GLIS2: variants seen among roughly 807,000 people sequenced by gnomAD.
GLIS2 encodes the protein GLIS family zinc finger 2, also known as zinc finger protein GLIS2.
A neutral mutation model predicts 35.6 loss-of-function variants in GLIS2; 14 were observed. The observed-to-expected ratio is 0.39, with a 90% CI of 0.26 to 0.61. The LOEUF (loss-of-function observed/expected upper bound fraction) is 0.61. GLIS2 is among the 20% of genes least tolerant of loss of function. The probability of loss-of-function intolerance (pLI) is 0.48; values close to 1 mark genes in which losing one functional copy is unlikely to be tolerated. For missense variants in GLIS2, 675 were observed against 713.4 expected, an observed-to-expected ratio of 0.95 and a Z score of 0.61; for synonymous variants, 368 against 325.1, an observed-to-expected ratio of 1.13 and a Z score of -1.42.
chr16:4,324,227 G>A lies in GLIS2; in HGVS notation c.-67+7973G>A, dbSNP rs374445607. On this transcript the variant is annotated intron_variant, in intron 1 of 6. Transcript: ENST00000433375. ...GCCTACTGAGCCAAAGGTTCCCAGG[G>A]ACGGTGAATCCCCCACTCTTCCAGG... Among the ~76,000 whole-genome samples, 4 of 152,160 alleles carry A rather than the reference G, an allele frequency of 2.6e-5. No homozygotes were observed. In the East Asian group the frequency reaches 5.8e-4, roughly 22 times the overall value.
chr16:4,319,547 G>C (rs2053352863), intron 1 of GLIS2, among the ~76,000 whole-genome samples: 1 of 152,162 alleles, frequency 6.6e-6, no homozygotes, highest in Admixed American at 6.5e-5. Flanking sequence ...CTGGGTGTGG[G>C]GACCACAGCC....
At chr16:4,331,794 T>C (rs2053498687) in intron 1 of GLIS2, 1 of 200,800 alleles carries the variant, frequency 5.0e-6, no homozygotes, top group South Asian at 8.7e-5. Context: ...AGAAAATTTT[T>C]TTTTTTAATT....
In GLIS2 at chr16:4,336,980, G is replaced by A; in HGVS notation, c.1031G>A (p.Gly344Asp). The A allele has an allele frequency of 4.3e-6, 7 of 1,609,530 alleles. No individual in the cohort carries two copies. Among genetic ancestry groups the A allele is most frequent in the Non-Finnish European group, 5.9e-6 (7 of 1,179,026 alleles). Residue 344 changes from glycine to aspartate, a missense_variant, in exon 7 of 7, where the codon GGC becomes GAC. Coordinates refer to ENST00000433375, the MANE Select transcript of GLIS2 (RefSeq NM_032575.3). ...PPKPPLPAPD[G>D]GPYVSGAQII... Reference sequence around the variant, plus strand: ...AAGCCGCCACTGCCCGCCCCCGACGGCGGCCCCTATGTCAGTGGGGCCCAG... The same window carrying A: ...AAGCCGCCACTGCCCGCCCCCGACGACGGCCCCTATGTCAGTGGGGCCCAG...
intron 1 of GLIS2, among the ~76,000 whole-genome samples, chr16:4,329,646 T>C (rs922910733): frequency 1.3e-5 from 2 of 152,126 alleles, no homozygotes; most frequent in Non-Finnish European, 2.9e-5. Context: ...TCCTGCCCTG[T>C]GGACAGCATC....
intron 1 of GLIS2, among the ~76,000 whole-genome samples, chr16:4,331,264 G>C (rs8061818): frequency 0.093 from 14,112 of 152,140 alleles, 951 homozygotes; most frequent in African/African-American, 0.17. Context: ...ACAGGTGTGA[G>C]TTACTGCGCC....
At chr16:4,324,792 G>A (rs2053412935) in intron 1 of GLIS2, 2 of 152,316 alleles carry the variant, frequency 1.3e-5, no homozygotes, top group Admixed American at 6.5e-5. Context: ...CCCAACATGG[G>A]GGTCCTATAT....
rs1567217025 is a variant in GLIS2 at position 4,321,233 on chromosome 16, GGTT to G, written c.-67+4980_-67+4982del. On this transcript the variant is annotated intron_variant, in intron 1 of 6. Transcript: ENST00000433375. ...TCCCACCATCCCAGCTGGCCAGGGT[GGTT>G]CCTAGGGGCCACCACACCCTTGTCC... Among the ~76,000 whole-genome samples the G allele has an allele frequency of 1.4e-3, 209 of 152,214 alleles. 1 individual carries two copies. Among genetic ancestry groups the G allele is most frequent in the African/African-American group, 4.6e-3 (191 of 41,544 alleles).
chr16:4,328,647 A>G (rs771634326), intron 1 of GLIS2, among the ~76,000 whole-genome samples: 108 of 152,198 alleles, frequency 7.1e-4, no homozygotes, highest in Non-Finnish European at 1.3e-3. Flanking sequence ...CCTCCCTGGC[A>G]GGACCCAGTG....
At position 4,335,546 on chromosome 16, in the gene GLIS2, A is replaced by G. The variant is rs2053541746; in HGVS notation, c.775+153A>G. Among the ~76,000 whole-genome samples the G allele has an allele frequency of 6.6e-6, 1 of 152,182 alleles. No homozygotes were observed. The highest frequency in any genetic ancestry group is 2.4e-5 in the African/African-American group (1 of 41,436). On this transcript the variant is annotated intron_variant, in intron 6 of 6. Coordinates refer to ENST00000433375, the MANE Select transcript of GLIS2 (RefSeq NM_032575.3). The surrounding 1 kb of genome is among the most constrained non-coding windows in gnomAD (Gnocchi z 4.6). The stretch of plus-strand genomic sequence containing the variant: ...CGCCCAGGGGTCCCTTTTCCAATGC[A>G]GTTTGCTAGGGGAAGCATCCCCTGG...
At chr16:4,327,420 T>G (rs2053443827) in intron 1 of GLIS2, among the ~76,000 whole-genome samples, 1 of 152,166 alleles carries the variant, frequency 6.6e-6, no homozygotes, top group Non-Finnish European at 1.5e-5. Flanking sequence ...CAAGGGGCCC[T>G]GGAAGAGACT....
intron 1 of GLIS2, among the ~76,000 whole-genome samples, chr16:4,326,117 C>T (rs566341077): frequency 1.3e-4 from 19 of 151,866 alleles, no homozygotes; most frequent in Admixed American, 3.3e-4. Flanking sequence ...TGGTGGTGGG[C>T]GCCTGTAGTC....
At position 4,335,860 on chromosome 16, in the gene GLIS2, G is replaced by A. The variant is rs1475192388; in HGVS notation, c.775+467G>A. 1 of 195,824 alleles carries A rather than the reference G, an allele frequency of 5.1e-6. No individual in the cohort carries two copies. Among genetic ancestry groups the A allele is most frequent in the African/African-American group, 2.3e-5 (1 of 42,906 alleles). 12.1% of individuals were successfully genotyped at this position (195,824 alleles called of 1,614,324 possible). The stretch of plus-strand genomic sequence containing the variant: ...AACGTGTTATCAATTCATTATTAAA[G>A]ACAAATCAGTGAGATATTGAAGTTC... On this transcript the variant is annotated intron_variant, in intron 6 of 6. Transcript: ENST00000433375. The surrounding 1 kb of genome is among the most constrained non-coding windows in gnomAD (Gnocchi z 4.6).
At chr16:4,328,023 C>CG (rs1295782173) in intron 1 of GLIS2, among the ~76,000 whole-genome samples, 2 of 152,170 alleles carry the variant, frequency 1.3e-5, no homozygotes, top group Admixed American at 6.5e-5. Context: ...GCTGTCCCAC[C>CG]GGGGGGAAAC....
At position 4,334,908 on chromosome 16, in the gene GLIS2, C is replaced by A; in HGVS notation, c.453C>A (p.Thr151=). The A allele has an allele frequency of 6.2e-7, 1 of 1,613,204 alleles. No homozygotes were observed. The highest frequency in any genetic ancestry group is 1.1e-5 in the South Asian group (1 of 91,082). Residue 151 remains threonine, a synonymous_variant, in exon 4 of 7, where the codon ACC becomes ACA. Coordinates refer to ENST00000433375, the MANE Select transcript of GLIS2 (RefSeq NM_032575.3). The part of the protein sequence containing the change: ...ALHLPASSFL[T]PPKDKCLSPD... ...ACCTGCCTGCCTCCTCCTTCCTTACCCCTCCCAAGGACAAGTGCCTCTCGC... is the reference window on the plus strand; with the variant it reads ...ACCTGCCTGCCTCCTCCTTCCTTACACCTCCCAAGGACAAGTGCCTCTCGC...
At chr16:4,324,933 C>T (rs146590990) in intron 1 of GLIS2, among the ~76,000 whole-genome samples, 105 of 152,302 alleles carry the variant, frequency 6.9e-4, no homozygotes, top group Non-Finnish European at 1.2e-3. Context: ...CCTGAGAGGA[C>T]GAGCCCTCCT....
Position 4,339,009 on chromosome 16 carries a change from G to C in GLIS2, c.*1485G>C, listed in dbSNP as rs1011508470. The C allele has an allele frequency of 4.6e-5, 7 of 152,388 alleles. No homozygotes were observed. The highest frequency in any genetic ancestry group is 1.7e-4 in the African/African-American group (7 of 41,456). The allele number at this position is 152,388 out of a possible 1,614,324, so 9.4% of individuals were successfully genotyped here. On this transcript the variant is annotated 3_prime_UTR_variant, in exon 7 of 7. Transcript: ENST00000433375. ...TGCCCGGACAGCCTTGGGGTCCTTAGTGGCCCTGCAGGTCCTCTGGCAGCT... is the reference window on the plus strand; with the variant it reads ...TGCCCGGACAGCCTTGGGGTCCTTACTGGCCCTGCAGGTCCTCTGGCAGCT...
chr16:4,319,718 T>C (rs2053356563), intron 1 of GLIS2, among the ~76,000 whole-genome samples: 2 of 151,788 alleles, frequency 1.3e-5, no homozygotes, highest in Admixed American at 1.3e-4. Flanking sequence ...GTGGGGGCAC[T>C]GCTTTGATCC....
In GLIS2 at chr16:4,335,029, A is replaced by C; in HGVS notation, c.523-31A>C. The C allele has an allele frequency of 6.2e-7, 1 of 1,613,270 alleles. No individual in the cohort carries two copies. The highest frequency in any genetic ancestry group is 8.5e-7 in the Non-Finnish European group (1 of 1,180,016). ...TGGAGTCTGGGGCAGGTCACCCCGC[A>C]TGGGCTCAGAACACTTCCCATCCTC... On this transcript the variant is annotated intron_variant, in intron 4 of 6. Coordinates refer to ENST00000433375, the MANE Select transcript of GLIS2 (RefSeq NM_032575.3). This position sits in a 1 kb window ranked among gnomAD's most constrained non-coding sequence, Gnocchi z 4.6.
intron 1 of GLIS2, among the ~76,000 whole-genome samples, chr16:4,327,553 G>C (rs1021229449): frequency 1.3e-5 from 2 of 152,172 alleles, no homozygotes; most frequent in Non-Finnish European, 2.9e-5. Flanking sequence ...TGGCCTGGCC[G>C]GGGACTGCGG....
Sources: allele counts gnomAD v4.1 joint callset (sites outside exome capture counted in the v4.1 genomes callset), GRCh38; gene constraint gnomAD v4.1.1; non-coding constraint Gnocchi (gnomAD v3.1); transcripts MANE v1.5; gene names NCBI Gene and HGNC (gene_info 2026-07-23, HGNC 2026-07-21).